WDFY3: variants seen among roughly 807,000 people sequenced by gnomAD.
WDFY3 encodes the protein WD repeat and FYVE domain-containing protein 3.
WDFY3 carries 66 observed loss-of-function variants against 409.6 expected under a neutral mutation model. The observed-to-expected ratio is 0.16, with a 90% CI of 0.13 to 0.20. The LOEUF (loss-of-function observed/expected upper bound fraction) is 0.20. WDFY3 is among the 10% of genes least tolerant of loss of function. WDFY3 has a pLI of 1.00. For missense variants in WDFY3, 3,031 were observed against 4,298.1 expected, an observed-to-expected ratio of 0.71 and a Z score of 8.24; for synonymous variants, 1,521 against 1,537.1, an observed-to-expected ratio of 0.99 and a Z score of 0.25.
intron 33 of WDFY3, among the ~76,000 whole-genome samples, chr4:84,755,936 C>T (rs993240653): frequency 6.6e-6 from 1 of 152,126 alleles, no homozygotes; most frequent in African/African-American, 2.4e-5. Flanking sequence ...AGGCATGAAT[C>T]TGTATCTTAA....
At position 84,672,761 on chromosome 4, in the gene WDFY3, T is replaced by C. The variant is rs113197881; in HGVS notation, c.*107A>G. 2.0e-5 allele frequency: 29 copies of C among 1,472,710 alleles called. No homozygotes were observed. The highest frequency in any genetic ancestry group is 3.7e-4 in the Middle Eastern group (2 of 5,400). The allele number at this position is 1,472,710 out of a possible 1,614,324, so 91.2% of individuals were successfully genotyped here. On this transcript the variant is annotated 3_prime_UTR_variant, in exon 68 of 68. Transcript: ENST00000295888. ...GAATTTTAACACTTCAAACACGTGG[T>C]ATGAAGAGATGTGTAAACGGAGACT... is the stretch of plus-strand genomic sequence containing the variant.
At chr4:84,728,874 G>A (rs1578272400) in intron 44 of WDFY3, among the ~76,000 whole-genome samples, 2 of 152,036 alleles carry the variant, frequency 1.3e-5, no homozygotes, top group Admixed American at 1.3e-4. Flanking sequence ...TCTTTACCTA[G>A]AAACCTGCAT....
intron 25 of WDFY3, among the ~76,000 whole-genome samples, chr4:84,781,405 T>G (rs894482305): frequency 6.7e-6 from 1 of 149,842 alleles, no homozygotes; most frequent in African/African-American, 2.5e-5. Context: ...TTTTTTTTTT[T>G]TTTTTGAGAC....
intron 56 of WDFY3, among the ~76,000 whole-genome samples, chr4:84,701,988 A>C (rs1731132023): frequency 6.6e-6 from 1 of 152,154 alleles, no homozygotes; most frequent in Admixed American, 6.5e-5. Flanking sequence ...ACGAAATTCT[A>C]AATGTTGGGA....
At chr4:84,877,415 C>T (rs1030561849) in intron 3 of WDFY3, among the ~76,000 whole-genome samples, 2 of 152,062 alleles carry the variant, frequency 1.3e-5, no homozygotes, top group African/African-American at 4.8e-5. Flanking sequence ...CTCATTGCAG[C>T]CTCCATCTCC....
chr4:84,727,752 C>G (rs1488283775), intron 44 of WDFY3, among the ~76,000 whole-genome samples: 1 of 152,130 alleles, frequency 6.6e-6, no homozygotes, highest in Non-Finnish European at 1.5e-5. Flanking sequence ...TAAACATGAG[C>G]AGGCAAAATG....
Position 84,837,054 on chromosome 4 carries a change from A to T in WDFY3, c.451T>A (p.Ser151Thr), listed in dbSNP as rs759879032. 2 of 1,585,782 alleles carry T rather than the reference A, an allele frequency of 1.3e-6. No homozygotes were observed. Among genetic ancestry groups the T allele is most frequent in the Non-Finnish European group, 1.7e-6 (2 of 1,166,140 alleles). ...VDCMTTMSVP[S>T]TLVKCLYLFF... Reference sequence around the variant, plus strand: ...AGATATAAACATTTAACCAGGGTGGAAGGCACTGACATTGTTGTCATGCAG... The same window carrying T: ...AGATATAAACATTTAACCAGGGTGGTAGGCACTGACATTGTTGTCATGCAG... Residue 151 changes from serine (S) to threonine (T), a missense_variant, in exon 7 of 68, where the codon TCC (serine) becomes ACC (threonine). By Grantham distance (58) the Ser-to-Thr change is moderately conservative. Coordinates refer to ENST00000295888, the MANE Select transcript of WDFY3 (RefSeq NM_014991.6).
chr4:84,794,639 G>C lies in WDFY3; in HGVS notation c.3367C>G (p.Leu1123Val). The change falls in exon 21 of 68, where the codon CTT becomes GTT. Residue 1123 changes from leucine (L) to valine (V), a missense_variant. By Grantham distance (32) the Leu-to-Val change is conservative. This residue lies in a region of WDFY3 where 1,322 missense variants were observed against 1,697.9 expected (regional missense o/e 0.78). Coordinates refer to ENST00000295888, the MANE Select transcript of WDFY3 (RefSeq NM_014991.6). Reference sequence around the variant, plus strand: ...GAATTTGCTCGGCGCACAACAGTAAGAAGTCTGACAGGGTGGTTATTTGGA... The same window carrying C: ...GAATTTGCTCGGCGCACAACAGTAACAAGTCTGACAGGGTGGTTATTTGGA... Reference protein sequence around the residue: ...SPPNNHPVRLLTVVRRANSSE... With the variant: ...SPPNNHPVRLVTVVRRANSSE... 6.2e-7 allele frequency: 1 copy of C among 1,614,012 alleles called. No homozygotes were observed. The highest frequency in any genetic ancestry group is 8.5e-7 in the Non-Finnish European group (1 of 1,180,018).
chr4:84,837,930 A>G (rs1756821763), intron 6 of WDFY3, among the ~76,000 whole-genome samples: 1 of 152,212 alleles, frequency 6.6e-6, no homozygotes, highest in African/African-American at 2.4e-5. Context: ...AGTCGACTGG[A>G]ATTATTAGAG....
chr4:84,887,232 T>C (rs1764360624), intron 3 of WDFY3, among the ~76,000 whole-genome samples: 1 of 152,178 alleles, frequency 6.6e-6, no homozygotes, highest in African/African-American at 2.4e-5. Flanking sequence ...TGGGGAAAAG[T>C]ACATCAGGGA....
chr4:84,892,073 T>C (rs1249096153), intron 3 of WDFY3, among the ~76,000 whole-genome samples: 1 of 151,570 alleles, frequency 6.6e-6, no homozygotes, highest in African/African-American at 2.4e-5. Context: ...TCAGAATCTT[T>C]ACTATTTTTA....
intron 5 of WDFY3, among the ~76,000 whole-genome samples, 169 bp from the exon 6 acceptor site, chr4:84,841,432 C>T (rs1449669279): frequency 6.6e-6 from 1 of 152,030 alleles, no homozygotes; most frequent in African/African-American, 2.4e-5. Context: ...ATTCATAAAC[C>T]TTTATATCAT....
intron 40 of WDFY3, among the ~76,000 whole-genome samples, chr4:84,738,773 G>A (rs1737907751): frequency 6.6e-6 from 1 of 152,150 alleles, no homozygotes; most frequent in Non-Finnish European, 1.5e-5. Context: ...TTAAGCAAAT[G>A]TAAATATTAA....
intron 13 of WDFY3, among the ~76,000 whole-genome samples, chr4:84,812,326 T>C (rs1247069024): frequency 1.2e-4 from 19 of 152,114 alleles, no homozygotes; most frequent in Admixed American, 1.2e-3. Context: ...AACAAAAGAC[T>C]TAACACAGAC....
chr4:84,715,449 C>G (rs1028062344), intron 49 of WDFY3, 66 bp from the exon 50 acceptor site: 9 of 943,132 alleles, frequency 9.5e-6, no homozygotes, highest in Non-Finnish European at 1.5e-5. Context: ...TATATATTAA[C>G]TTTTCCACTA....
At position 84,821,340 on chromosome 4, in the gene WDFY3, A is replaced by G. The variant is rs1227432517; in HGVS notation, c.1335T>C (p.Phe445=). 1.2e-6 allele frequency: 2 copies of G among 1,613,530 alleles called. No individual in the cohort carries two copies. Among genetic ancestry groups the G allele is most frequent in the Non-Finnish European group, 8.5e-7 (1 of 1,179,684 alleles). ...SKLPEVQNKY[F]EMLEFVVFSL... ...TAAAAACAACAAACTCCAGCATCTC[A>G]AAGTATTTGTTTTGTACTTCTGGGA... The change falls in exon 11 of 68, where the codon TTT becomes TTC. Residue 445 remains phenylalanine, a synonymous_variant. Coordinates refer to ENST00000295888, the MANE Select transcript of WDFY3 (RefSeq NM_014991.6).
intron 2 of WDFY3, among the ~76,000 whole-genome samples, chr4:84,929,525 A>T (rs1433538182): frequency 6.9e-6 from 1 of 144,650 alleles, no homozygotes; most frequent in Non-Finnish European, 1.5e-5. Flanking sequence ...TCAAAATGTG[A>T]CCTTTGAAGC....
chr4:84,783,283 C>T (rs1418290888), intron 24 of WDFY3, among the ~76,000 whole-genome samples: 2 of 152,080 alleles, frequency 1.3e-5, no homozygotes, highest in Admixed American at 6.6e-5. Context: ...CGCTTGAGCC[C>T]GGAGTTTGAG....
intron 3 of WDFY3, among the ~76,000 whole-genome samples, chr4:84,868,403 A>C (rs1761725374): frequency 6.6e-6 from 1 of 151,948 alleles, no homozygotes; most frequent in Non-Finnish European, 1.5e-5. Context: ...AAACAAAAAC[A>C]AGTTCTACAT....
Sources: gnomAD v4.1 joint callset for allele counts (sites outside exome capture counted in the v4.1 genomes callset) on GRCh38, gnomAD v4.1.1 for gene constraint, gnomAD v4.1.1 regional missense constraint, MANE v1.5 for transcripts, NCBI Gene and HGNC (gene_info 2026-07-23, HGNC 2026-07-21) for gene names.